The following GAK variants were observed in gnomAD, a reference collection of about 807,000 sequenced individuals.
The protein encoded by GAK is cyclin-G-associated kinase.
GAK carries 79 observed loss-of-function variants against 143.9 expected under a neutral mutation model. That is an observed-to-expected ratio of 0.55 (90% CI 0.46 to 0.66). The LOEUF (loss-of-function observed/expected upper bound fraction) is 0.66. Among genes scored for constraint, GAK ranks in the 30% least tolerant of loss-of-function variants. GAK has a pLI of 0.00. For synonymous variants in GAK, 881 were observed against 765.5 expected (o/e 1.15, Z -2.49); for missense variants, 1,693 against 1,779.7 (o/e 0.95, Z 0.88).
chr4:849,835 C>T (rs1405213383), intron 27 of GAK, 57 bp downstream of exon 27: 3 of 183,790 alleles, frequency 1.6e-5, no homozygotes, highest in African/African-American at 8.0e-5. Context: ...CGGGGCAGGA[C>T]CCCCCCCCCG....
chr4:862,401 C>CT (rs1750452885), intron 23 of GAK, among the ~76,000 whole-genome samples: 1 of 152,258 alleles, frequency 6.6e-6, no homozygotes, highest in Non-Finnish European at 1.5e-5. Context: ...GATCTCACGC[C>CT]TGTAATCCCA....
intron 20 of GAK, 101 bp downstream of exon 20, chr4:868,438 T>C: frequency 3.9e-6 from 5 of 1,284,034 alleles, no homozygotes; most frequent in Non-Finnish European, 5.3e-6. Flanking sequence ...AACTCAGCTC[T>C]GCCGGAGGCC....
At position 867,469 on chromosome 4, in the gene GAK, C is replaced by T. The variant is rs1162944703; in HGVS notation, c.2396-37G>A. On this transcript the variant is annotated intron_variant, in intron 20 of 27. Transcript: ENST00000314167. ...AAACAAAACCACAGGCTAGTGAGAC[C>T]ACACGGCCAGCACCAGGGTCCCCAC... 2.7e-6 allele frequency: 4 copies of T among 1,469,954 alleles called. No homozygotes were observed. In the African/African-American group the frequency reaches 5.7e-5, roughly 21 times the overall value. 91.1% of individuals were successfully genotyped at this position (1,469,954 alleles called of 1,614,324 possible). A position where few individuals can be genotyped will look rare whatever the true frequency, so the allele number is the denominator to read the frequency against.
intron 1 of GAK, among the ~76,000 whole-genome samples, chr4:926,892 C>T (rs555426407): frequency 1.1e-5 from 1 of 87,730 alleles, no homozygotes; most frequent in Non-Finnish European, 2.3e-5. Context: ...CCACCCCGCT[C>T]ACCTGCGCTC....
At chr4:927,344 G>C (rs76673012) in intron 1 of GAK, among the ~76,000 whole-genome samples, 3 of 928 alleles carry the variant, frequency 3.2e-3, no homozygotes, top group South Asian at 0.11. Context: ...CTCACCTGCA[G>C]TCCGCACTGC....
At chr4:859,217 T>G (rs1577053672) in intron 24 of GAK, 2 of 1,176,034 alleles carry the variant, frequency 1.7e-6, no homozygotes, top group South Asian at 1.6e-5. Flanking sequence ...CTGGAGAGGG[T>G]GGGCTCGGTT....
intron 15 of GAK, 39 bp downstream of exon 15, chr4:881,868 C>T (rs1715185855): frequency 1.3e-6 from 2 of 1,536,872 alleles, no homozygotes; most frequent in Non-Finnish European, 1.8e-6. Context: ...CACACGGGCC[C>T]ACAGAGCTGT....
intron 23 of GAK, among the ~76,000 whole-genome samples, chr4:862,897 T>G (rs1281526294): frequency 6.6e-6 from 1 of 152,236 alleles, no homozygotes; most frequent in African/African-American, 2.4e-5. Flanking sequence ...CACGCTGCTT[T>G]CATGCCTGCT....
intron 24 of GAK, among the ~76,000 whole-genome samples, chr4:858,752 C>T (rs1036840893): frequency 5.3e-5 from 8 of 152,270 alleles, no homozygotes; most frequent in Non-Finnish European, 8.8e-5. Context: ...AGTGAGGACT[C>T]GAAGCCAGCC....
intron 26 of GAK, chr4:850,617 C>T (rs767423280): frequency 1.7e-5 from 4 of 236,954 alleles, no homozygotes; most frequent in Non-Finnish European, 3.3e-5. Flanking sequence ...GCAAACACCC[C>T]GGGGCACTCA....
chr4:909,707 G>A (rs933693689), intron 4 of GAK, among the ~76,000 whole-genome samples: 4 of 152,216 alleles, frequency 2.6e-5, no homozygotes, highest in Non-Finnish European at 4.4e-5. Flanking sequence ...ATTTTTAAAC[G>A]GTTAGAATGG....
chr4:859,942 G>C (rs1427282657), intron 23 of GAK, among the ~76,000 whole-genome samples: 1 of 152,146 alleles, frequency 6.6e-6, no homozygotes, highest in Non-Finnish European at 1.5e-5. Flanking sequence ...CAGCTTCACA[G>C]CTCACACCCA....
intron 15 of GAK, among the ~76,000 whole-genome samples, chr4:880,178 A>AT (rs1714805610): frequency 1.4e-5 from 2 of 142,288 alleles, no homozygotes; most frequent in South Asian, 4.6e-4. Flanking sequence ...TGCACCCTGC[A>AT]TGAGGGTCCT....
At chr4:859,567 G>A (rs1749913099) in intron 24 of GAK, 39 bp downstream of exon 24, 2 of 1,586,994 alleles carry the variant, frequency 1.3e-6, no homozygotes, top group African/African-American at 1.3e-5. Flanking sequence ...CTCCTACAAG[G>A]AAACAGCTTC....
intron 5 of GAK, among the ~76,000 whole-genome samples, chr4:901,829 C>T (rs776385341): frequency 1.3e-5 from 2 of 152,208 alleles, no homozygotes; most frequent in Non-Finnish European, 2.9e-5. Context: ...TCCCGATTAG[C>T]GAGGTCTGAG....
At chr4:897,327 C>T (rs984144987) in intron 6 of GAK, among the ~76,000 whole-genome samples, 5 of 152,188 alleles carry the variant, frequency 3.3e-5, no homozygotes, top group South Asian at 4.1e-4. Flanking sequence ...CAGGATAAAG[C>T]GCCCTCCACT....
rs938380681 is a variant in GAK, at chr4:896,333, G to A, written c.741+127C>T. The A allele has an allele frequency of 4.7e-5, 33 of 701,422 alleles. No individual in the cohort carries two copies. The African/African-American group carries it at 5.4e-4, about 11-fold the overall frequency. 43.4% of individuals were successfully genotyped at this position (701,422 alleles called of 1,614,324 possible). ...CTTAAGGAAAGGAAAAAGAAAAGGGGACGGGAGGGGAAGAGGGGGTGGAGG... is the reference window on the plus strand; with the variant it reads ...CTTAAGGAAAGGAAAAAGAAAAGGGAACGGGAGGGGAAGAGGGGGTGGAGG... On this transcript the variant is annotated intron_variant, in intron 7 of 27. Coordinates refer to ENST00000314167, the MANE Select transcript of GAK (RefSeq NM_005255.4).
In GAK at chr4:877,194, C is replaced by T. The variant is rs759206860; in HGVS notation, c.1870G>A (p.Glu624Lys). 1 of 1,612,804 alleles carries T rather than the reference C, an allele frequency of 6.2e-7. No individual in the cohort carries two copies. Among genetic ancestry groups the T allele is most frequent in the Non-Finnish European group, 8.5e-7 (1 of 1,178,844 alleles). ...EYDKMRDFKI[E>K]DGKAVIPLGV... ...AGGGGAATCACCGCTTTGCCATCTT[C>T]AATCTTAAAGTCCCTAAGGACAGAA... Residue 624 changes from glutamate (E) to lysine (K), a missense_variant, in exon 17 of 28, where the codon GAA (glutamate) becomes AAA (lysine). Transcript: ENST00000314167.
chr4:914,333 C>T (rs1487085751), intron 1 of GAK, among the ~76,000 whole-genome samples: 13 of 122,080 alleles, frequency 1.1e-4, no homozygotes, highest in African/African-American at 3.2e-4. Context: ...TCAGCGTGCC[C>T]GGCCCCACAC....
Sources: allele counts gnomAD v4.1 joint callset (sites outside exome capture counted in the v4.1 genomes callset), GRCh38; gene constraint gnomAD v4.1.1; transcripts MANE v1.5; gene names NCBI Gene and HGNC (gene_info 2026-07-23, HGNC 2026-07-21).